PDHX: variants seen among roughly 807,000 people sequenced by gnomAD.
PDHX encodes the protein pyruvate dehydrogenase complex component X.
In PDHX, 33 loss-of-function variants were observed where a neutral mutation model predicts 55.3. The ratio of observed to expected loss-of-function variants is 0.60; its 90% CI spans 0.45 to 0.80. PDHX has a LOEUF of 0.80. PDHX is among the 30% of genes least tolerant of loss of function. The pLI is 0.00. For missense variants in PDHX, 622 were observed against 619.9 expected (o/e 1.00, Z -0.04); for synonymous variants, 226 against 219.4 (o/e 1.03, Z -0.27).
At position 34,970,127 on chromosome 11, in the gene PDHX, G is replaced by C; in HGVS notation, c.817-12G>C. On this transcript the variant is annotated splice_polypyrimidine_tract_variant and intron_variant, in intron 6 of 10. Transcript: ENST00000227868. The stretch of plus-strand genomic sequence containing the variant: ...CTTGTGGTTTAACGGACAGGTTGCT[G>C]TCTTTTTGCAGGGCACATTCACTGA... 1 of 1,612,768 alleles carries C rather than the reference G, an allele frequency of 6.2e-7. No homozygotes were observed. Among genetic ancestry groups the C allele is most frequent in the South Asian group, 1.1e-5 (1 of 91,042 alleles).
chr11:34,967,175 A>C (rs1436795186), intron 6 of PDHX, among the ~76,000 whole-genome samples: 1 of 152,180 alleles, frequency 6.6e-6, no homozygotes, highest in East Asian at 1.9e-4. Flanking sequence ...TTCAGATTCA[A>C]GTGTGAGAGA....
chr11:34,966,453 A>C (rs1855131909), intron 5 of PDHX, among the ~76,000 whole-genome samples, 187 bp from the exon 6 acceptor site: 1 of 152,218 alleles, frequency 6.6e-6, no homozygotes, highest in South Asian at 2.1e-4. Context: ...AGAACGTGAC[A>C]AATAATGGTC....
At chr11:34,920,727 C>T (rs1038171205) in intron 1 of PDHX, among the ~76,000 whole-genome samples, 20 of 152,148 alleles carry the variant, frequency 1.3e-4, no homozygotes, top group African/African-American at 3.6e-4. Context: ...TTGGTATTTG[C>T]ATCACCTCTA....
At chr11:34,944,996 T>G (rs1487074134) in intron 2 of PDHX, among the ~76,000 whole-genome samples, 1 of 152,022 alleles carries the variant, frequency 6.6e-6, no homozygotes, top group African/African-American at 2.4e-5. Context: ...AGTTAGATAA[T>G]CAACTTCTTA....
At chr11:34,959,713 T>C (rs1426366119) in intron 4 of PDHX, among the ~76,000 whole-genome samples, 1 of 152,128 alleles carries the variant, frequency 6.6e-6, no homozygotes, top group African/African-American at 2.4e-5. Flanking sequence ...TGCTATGAAA[T>C]GTGATTCAGC....
upstream of PDHX, chr11:34,916,114 A>G (rs967545063): frequency 5.0e-6 from 7 of 1,408,272 alleles, no homozygotes; most frequent in Middle Eastern, 1.0e-3. Context: ...CAGGCCCGAA[A>G]CCCCGCCCCG....
At chr11:34,937,222 AGCCAACACT>A (rs1362283934) in intron 2 of PDHX, among the ~76,000 whole-genome samples, 2 of 152,224 alleles carry the variant, frequency 1.3e-5, no homozygotes, top group Admixed American at 6.5e-5. Flanking sequence ...TCATTTGAAA[AGCCAACACT>A]GAGAACTCCT....
In PDHX at chr11:34,947,534, A is replaced by T. The variant is rs778024968; in HGVS notation, c.270A>T (p.Leu90Phe). The T allele has an allele frequency of 1.2e-6, 2 of 1,613,504 alleles. No individual in the cohort carries two copies. The highest frequency in any genetic ancestry group is 1.7e-6 in the Non-Finnish European group (2 of 1,179,494). The change falls in exon 3 of 11, where the codon TTA (leucine) becomes TTT (phenylalanine). Residue 90 changes from leucine to phenylalanine, a missense_variant. Coordinates refer to ENST00000227868, the MANE Select transcript of PDHX (RefSeq NM_003477.3). ...AAGCGGTGAGTGCTGGAGATGCATT[A>T]TGTGAAATTGAGACTGACAAAGCTG... ...EGEAVSAGDA[L>F]CEIETDKAVV...
At chr11:34,976,929 C>A (rs1855391654) in intron 7 of PDHX, among the ~76,000 whole-genome samples, 1 of 152,096 alleles carries the variant, frequency 6.6e-6, no homozygotes, top group Non-Finnish European at 1.5e-5. Context: ...TGAACTGTTA[C>A]ATTTGAATTT....
rs765193763 is a variant in PDHX at position 34,970,189 on chromosome 11, G to A, written c.867G>A (p.Lys289=). The change falls in exon 7 of 11, where the codon AAG becomes AAA. Residue 289 remains lysine (K), a synonymous_variant. Transcript: ENST00000227868. ...GCAATATTCGAAGAGTTATTGCCAAGAGATTAACTGAATCTAAAAGTACTG... is the reference window on the plus strand; with the variant it reads ...GCAATATTCGAAGAGTTATTGCCAAAAGATTAACTGAATCTAAAAGTACTG... The part of the protein sequence containing the change: ...PASNIRRVIA[K]RLTESKSTVP... 9 of 1,612,184 alleles carry A rather than the reference G, an allele frequency of 5.6e-6. 1 individual carries two copies. In the South Asian group the frequency reaches 9.9e-5, roughly 18 times the overall value.
chr11:34,991,544 A>G (rs1159013487), intron 9 of PDHX, among the ~76,000 whole-genome samples: 4 of 152,166 alleles, frequency 2.6e-5, no homozygotes, highest in Non-Finnish European at 5.9e-5. Flanking sequence ...AAACTCTGAA[A>G]GATAAAAACG....
rs190689889 is a variant in PDHX, at chr11:34,962,359, T to C, written c.641+1841T>C. 2.5e-3 allele frequency among the ~76,000 whole-genome samples: 386 copies of C among 152,338 alleles called. 3 individuals are homozygous for C. Among genetic ancestry groups the C allele is most frequent in the African/African-American group, 8.6e-3 (356 of 41,578 alleles). Reference sequence around the variant, plus strand: ...AGTCCAGAAGCCTTTGCAGATTAAATGTGGAGTGTAGGCCAGAGTAGCAAC... The same window carrying C: ...AGTCCAGAAGCCTTTGCAGATTAAACGTGGAGTGTAGGCCAGAGTAGCAAC... On this transcript the variant is annotated intron_variant, in intron 5 of 10. Coordinates refer to ENST00000227868, the MANE Select transcript of PDHX (RefSeq NM_003477.3).
chr11:34,962,634 A>G (rs1286520610), intron 5 of PDHX, among the ~76,000 whole-genome samples: 1 of 152,132 alleles, frequency 6.6e-6, no homozygotes, highest in Non-Finnish European at 1.5e-5. Flanking sequence ...TCAATAGGGA[A>G]ACTAGAGGTT....
intron 8 of PDHX, 125 bp downstream of exon 8, chr11:34,978,307 T>C (rs1855425492): frequency 1.5e-6 from 1 of 671,118 alleles, no homozygotes; most frequent in Non-Finnish European, 2.7e-6. Context: ...GCTAAAAATA[T>C]CCTATCGTTT....
chr11:34,981,079 G>A (rs1326440787), intron 8 of PDHX, among the ~76,000 whole-genome samples: 3 of 151,850 alleles, frequency 2.0e-5, no homozygotes, highest in African/African-American at 4.8e-5. Flanking sequence ...TACATGTGCC[G>A]TGTTGGTGTG....
At chr11:34,937,172 A>G (rs1051258782) in intron 2 of PDHX, among the ~76,000 whole-genome samples, 2 of 152,174 alleles carry the variant, frequency 1.3e-5, no homozygotes, top group African/African-American at 4.8e-5. Flanking sequence ...GTATGAGGAG[A>G]TAACTGTAGG....
At chr11:34,982,723 G>A (rs1855545612) in intron 8 of PDHX, among the ~76,000 whole-genome samples, 1 of 152,082 alleles carries the variant, frequency 6.6e-6, no homozygotes, top group Non-Finnish European at 1.5e-5. Context: ...ACTAAACCAG[G>A]AAGAACTTGA....
chr11:34,975,380 C>G (rs755205034), intron 7 of PDHX, among the ~76,000 whole-genome samples: 1 of 152,000 alleles, frequency 6.6e-6, no homozygotes, highest in Non-Finnish European at 1.5e-5. Context: ...AAATGTTAGA[C>G]TTTTTGAATT....
chr11:34,937,069 C>T (rs1854339621), intron 2 of PDHX, among the ~76,000 whole-genome samples: 1 of 151,958 alleles, frequency 6.6e-6, no homozygotes. Flanking sequence ...TAGGCGTGAG[C>T]CACTGTGCCT....
Sources: gnomAD v4.1 joint callset for allele counts (sites outside exome capture counted in the v4.1 genomes callset) on GRCh38, gnomAD v4.1.1 for gene constraint, MANE v1.5 for transcripts, NCBI Gene and HGNC (gene_info 2026-07-23, HGNC 2026-07-21) for gene names.